The following TNS3 variants were observed in gnomAD, a reference collection of about 807,000 sequenced individuals.
TNS3 encodes tensin-3.
TNS3 carries 45 observed loss-of-function variants against 140.9 expected under a neutral mutation model. The ratio of observed to expected loss-of-function variants is 0.32; its 90% confidence interval spans 0.25 to 0.41. The LOEUF is 0.41. Among genes scored for constraint, TNS3 ranks in the 10% least tolerant of loss-of-function variants. The pLI is 1.00. For missense variants in TNS3, 1,716 were observed against 1,906.7 expected (o/e 0.90, Z 1.86); for synonymous variants, 815 against 788.4 (o/e 1.03, Z -0.56).
chr7:47,292,884 C>T lies in TNS3; in HGVS notation c.3794G>A (p.Cys1265Tyr). 6.2e-7 allele frequency: 1 copy of T among 1,614,114 alleles called. No individual in the cohort carries two copies. Among genetic ancestry groups the T allele is most frequent in the Non-Finnish European group, 8.5e-7 (1 of 1,180,024 alleles). Residue 1265 changes from cysteine (C) to tyrosine (Y), a missense_variant, in exon 26 of 31, where the codon TGC (cysteine) becomes TAC (tyrosine). This residue lies in a region of TNS3 where 216 missense variants were observed against 295.7 expected (regional missense o/e 0.73). Coordinates refer to ENST00000311160, the MANE Select transcript of TNS3 (RefSeq NM_022748.12). ...GGCCAAGGGCGTGATGGAATGCTGGCACACCAAGGCCGTCAGGCTCCCTGC... is the reference window on the plus strand; with the variant it reads ...GGCCAAGGGCGTGATGGAATGCTGGTACACCAAGGCCGTCAGGCTCCCTGC... ...PYFGSLTALV[C>Y]QHSITPLALP...
intron 20 of TNS3, among the ~76,000 whole-genome samples, chr7:47,325,172 T>C (rs1295511048): frequency 2.6e-5 from 4 of 152,168 alleles, no homozygotes; most frequent in Non-Finnish European, 4.4e-5. Flanking sequence ...TTTGGTCCCA[T>C]TTCCTTCTTA....
chr7:47,490,937 C>G (rs942443056), intron 3 of TNS3, among the ~76,000 whole-genome samples: 1 of 152,194 alleles, frequency 6.6e-6, no homozygotes, highest in East Asian at 1.9e-4. Flanking sequence ...TGCCATCCTT[C>G]AGTGCTCTGT....
chr7:47,289,088 G>A (rs1785567090), intron 27 of TNS3, among the ~76,000 whole-genome samples: 1 of 152,118 alleles, frequency 6.6e-6, no homozygotes, highest in African/African-American at 2.4e-5. Context: ...TCAAAACAGA[G>A]TAATTTTACT....
At chr7:47,439,428 C>A (rs1795349316) in intron 6 of TNS3, 59 bp downstream of exon 6, 2 of 1,578,776 alleles carry the variant, frequency 1.3e-6, no homozygotes, top group Non-Finnish European at 1.7e-6. Context: ...AGTGCCCATC[C>A]CTACACAGTG....
chr7:47,554,870 A>C (rs1425739266), intron 1 of TNS3, among the ~76,000 whole-genome samples: 1 of 152,028 alleles, frequency 6.6e-6, no homozygotes, highest in Non-Finnish European at 1.5e-5. Context: ...CCTACTAAAA[A>C]TACAAAAATT....
At chr7:47,577,915 T>C (rs1043065662) in intron 1 of TNS3, among the ~76,000 whole-genome samples, 1 of 152,008 alleles carries the variant, frequency 6.6e-6, no homozygotes, top group Admixed American at 6.6e-5. Flanking sequence ...CACCTCCCTC[T>C]GCCAGAGGGA....
At chr7:47,481,192 T>A (rs752819878) in intron 3 of TNS3, 51 bp from the exon 4 acceptor site, 4 of 1,269,840 alleles carry the variant, frequency 3.1e-6, no homozygotes, top group Non-Finnish European at 3.1e-6. Context: ...CAGGAAAAAA[T>A]TAGCATAATA....
At chr7:47,324,530 C>A (rs1226340034) in intron 20 of TNS3, among the ~76,000 whole-genome samples, 1 of 152,156 alleles carries the variant, frequency 6.6e-6, no homozygotes, top group Non-Finnish European at 1.5e-5. Context: ...GGCAGGCAGA[C>A]CGCTTGAGGT....
chr7:47,279,174 C>G (rs529223303), intron 30 of TNS3: 3 of 152,318 alleles, frequency 2.0e-5, no homozygotes, highest in African/African-American at 7.2e-5. Flanking sequence ...CCTGGACAGA[C>G]AAGCCATTTG....
chr7:47,359,234 T>A (rs774025125), intron 17 of TNS3, among the ~76,000 whole-genome samples: 6 of 152,162 alleles, frequency 3.9e-5, no homozygotes, highest in Non-Finnish European at 7.3e-5. Flanking sequence ...AGTTCCCACA[T>A]GGGCTGTAAC....
chr7:47,409,847 T>A (rs1310618180), intron 13 of TNS3, among the ~76,000 whole-genome samples: 1 of 152,044 alleles, frequency 6.6e-6, no homozygotes, highest in Non-Finnish European at 1.5e-5. Flanking sequence ...TTAGTAGAGA[T>A]GGGGTTTCAC....
intron 4 of TNS3, among the ~76,000 whole-genome samples, chr7:47,455,496 T>C (rs1223447871): frequency 1.3e-5 from 2 of 152,084 alleles, no homozygotes; most frequent in Admixed American, 6.5e-5. Context: ...CAGAGAGGGC[T>C]CTGAGCAGCC....
intron 2 of TNS3, among the ~76,000 whole-genome samples, chr7:47,512,650 G>A (rs1275679700): frequency 2.6e-5 from 4 of 152,100 alleles, no homozygotes; most frequent in Non-Finnish European, 5.9e-5. Flanking sequence ...GAGAGAAAAT[G>A]ACACTGGAGA....
chr7:47,555,873 C>G (rs1191905512), intron 1 of TNS3, among the ~76,000 whole-genome samples: 3 of 152,208 alleles, frequency 2.0e-5, no homozygotes, highest in Non-Finnish European at 4.4e-5. Flanking sequence ...CTTACTTTAT[C>G]TCAATATTCA....
At chr7:47,394,417 C>T (rs1173846377) in intron 16 of TNS3, among the ~76,000 whole-genome samples, 3 of 152,214 alleles carry the variant, frequency 2.0e-5, no homozygotes, top group Non-Finnish European at 4.4e-5. Context: ...TCACCAGAAT[C>T]CGCCAGGCTG....
At chr7:47,338,073 C>T (rs916583723) in intron 20 of TNS3, among the ~76,000 whole-genome samples, 4 of 144,234 alleles carry the variant, frequency 2.8e-5, no homozygotes, top group Non-Finnish European at 6.3e-5. Flanking sequence ...AGAAGTGTTC[C>T]ATGGTATTGA....
Position 47,405,562 on chromosome 7 carries a change from A to C in TNS3, c.724-4648T>G, listed in dbSNP as rs201783845. ...TTCGCAATATTGTAATTCATGACCTAAAGCAATTGAAAGGTGGGTAAATAT... is the reference window on the plus strand; with the variant it reads ...TTCGCAATATTGTAATTCATGACCTCAAGCAATTGAAAGGTGGGTAAATAT... On this transcript the variant is annotated intron_variant, in intron 13 of 30. Coordinates refer to ENST00000311160, the MANE Select transcript of TNS3 (RefSeq NM_022748.12). The C allele has an allele frequency of 5.1e-4, 359 of 703,054 alleles. 4 individuals are homozygous for C. The East Asian group carries it at 7.0e-3, about 14-fold the overall frequency. 43.6% of individuals were successfully genotyped at this position (703,054 alleles called of 1,614,324 possible). A position where few individuals can be genotyped will look rare whatever the true frequency, so the allele number is the denominator to read the frequency against.
chr7:47,315,201 T>A (rs1274139994), intron 20 of TNS3, among the ~76,000 whole-genome samples: 5 of 152,186 alleles, frequency 3.3e-5, no homozygotes, highest in Admixed American at 2.0e-4. Context: ...TATTCTCACA[T>A]TTTCCCTTTG....
chr7:47,481,236 G>T, intron 3 of TNS3, 95 bp from the exon 4 acceptor site: 2 of 921,550 alleles, frequency 2.2e-6, no homozygotes, highest in Non-Finnish European at 3.1e-6. Flanking sequence ...GAATGAAACT[G>T]TCTCTAACCT....
Sources: gnomAD v4.1 joint callset for allele counts (sites outside exome capture counted in the v4.1 genomes callset) on GRCh38, gnomAD v4.1.1 for gene constraint, gnomAD v4.1.1 regional missense constraint, MANE v1.5 for transcripts, NCBI Gene and HGNC (gene_info 2026-07-23, HGNC 2026-07-21) for gene names.